The following SPPL2C variants were observed in gnomAD, a reference collection of about 807,000 sequenced individuals.
The protein encoded by SPPL2C is signal peptide peptidase-like 2C.
SPPL2C carries 33 observed loss-of-function variants against 38.8 expected under a neutral mutation model. The ratio of observed to expected loss-of-function variants is 0.85; its 90% CI spans 0.64 to 1.14. The LOEUF (loss-of-function observed/expected upper bound fraction) is 1.14, where lower values mean the gene tolerates loss of function less well. SPPL2C is among the 50% of genes most tolerant of loss of function. SPPL2C has a pLI of 0.00. For missense variants in SPPL2C, 899 were observed against 904.4 expected (o/e 0.99, Z 0.08); for synonymous variants, 384 against 390.7 (o/e 0.98, Z 0.20).
rs148824691 is a variant in SPPL2C at position 45,845,825 on chromosome 17, C to A, written c.919C>A (p.Arg307=). 6.2e-7 allele frequency: 1 copy of A among 1,607,000 alleles called. No individual in the cohort carries two copies. Among genetic ancestry groups the A allele is most frequent in the Middle Eastern group, 1.6e-4 (1 of 6,062 alleles). The change falls in exon 1 of 1, where the codon CGG becomes AGG. Residue 307 remains arginine (R), a synonymous_variant. Transcript: ENST00000329196. ...ACCCCTGGTGTGCCGCCTGTCCCTG[C>A]GGCAATACCAGAGGCCTCCGCACAG... The part of the protein sequence containing the change: ...LSPLVCRLSL[R]QYQRPPHSLW...
Position 45,845,651 on chromosome 17 carries a change from G to C in SPPL2C, c.745G>C (p.Val249Leu). The C allele has an allele frequency of 6.2e-7, 1 of 1,613,646 alleles. No individual in the cohort carries two copies. The highest frequency in any genetic ancestry group is 8.5e-7 in the Non-Finnish European group (1 of 1,180,042). The change falls in exon 1 of 1, where the codon GTG becomes CTG. Residue 249 changes from valine (V) to leucine (L), a missense_variant. By Grantham distance (32) the Val-to-Leu change is conservative. Coordinates refer to ENST00000329196, the MANE Select transcript of SPPL2C (RefSeq NM_175882.3). ...AQKEDNEDIP[V>L]DFTPAMTGVV... ...GAAGGAAGATAATGAGGACATCCCA[G>C]TGGACTTCACGCCGGCCATGACAGG...
chr17:45,845,135 C>G lies in SPPL2C; in HGVS notation c.229C>G (p.His77Asp), dbSNP rs2074180. The change falls in exon 1 of 1, where the codon CAC becomes GAC. Residue 77 changes from histidine (H) to aspartate (D), a missense_variant. Physicochemically the swap from His to Asp is moderately conservative, Grantham distance 81. Transcript: ENST00000329196. Reference protein sequence around the residue: ...APWCPGEDSPHQAQLRSPSQR... With the variant: ...APWCPGEDSPDQAQLRSPSQR... ...CTGGTGCCCGGGTGAGGATTCCCCC[C>G]ACCAGGCCCAGCTCCGCTCCCCCAG... is the stretch of plus-strand genomic sequence containing the variant. 6.2e-7 allele frequency: 1 copy of G among 1,610,674 alleles called. No individual in the cohort carries two copies. The highest frequency in any genetic ancestry group is 2.2e-5 in the East Asian group (1 of 44,724).
At position 45,845,784 on chromosome 17, in the gene SPPL2C, T is replaced by C; in HGVS notation, c.878T>C (p.Leu293Pro). Residue 293 changes from leucine (L) to proline (P), a missense_variant, in exon 1 of 1, where the codon CTC becomes CCC. By Grantham distance (98) the Leu-to-Pro change is moderately conservative. Coordinates refer to ENST00000329196, the MANE Select transcript of SPPL2C (RefSeq NM_175882.3). ...GIFGLGAGIGLYSCLSPLVCR... is the reference protein window; with the variant it reads ...GIFGLGAGIGPYSCLSPLVCR... ...TTTGGCCTGGGTGCTGGCATTGGCC[T>C]CTACAGCTGCCTGTCACCCCTGGTG... The C allele has an allele frequency of 6.2e-7, 1 of 1,610,746 alleles. No homozygotes were observed. The highest frequency in any genetic ancestry group is 8.5e-7 in the Non-Finnish European group (1 of 1,179,984).
At position 45,846,706 on chromosome 17, in the gene SPPL2C, C is replaced by T; in HGVS notation, c.1800C>T (p.Ser600=). Residue 600 remains serine (S), a synonymous_variant, in exon 1 of 1, where the codon AGC becomes AGT. Transcript: ENST00000329196. The part of the protein sequence containing the change: ...EATNPEDRSD[S]SEGWSDAHLD... Reference sequence around the variant, plus strand: ...CCAATCCAGAGGACCGCAGTGATAGCTCCGAGGGCTGGAGTGACGCCCACT... The same window carrying T: ...CCAATCCAGAGGACCGCAGTGATAGTTCCGAGGGCTGGAGTGACGCCCACT... The T allele has an allele frequency of 6.2e-7, 1 of 1,614,222 alleles. No individual in the cohort carries two copies. Among genetic ancestry groups the T allele is most frequent in the South Asian group, 1.1e-5 (1 of 91,086 alleles).
rs755742398 is a variant in SPPL2C, at chr17:45,845,072, G to A, written c.166G>A (p.Ala56Thr). The part of the protein sequence containing the change: ...YITLPRDLHH[A>T]PLLPLYDGTK... Reference sequence around the variant, plus strand: ...CACCCTCCCCCGGGACCTGCACCACGCCCCACTCCTGCCCCTGTATGATGG... The same window carrying A: ...CACCCTCCCCCGGGACCTGCACCACACCCCACTCCTGCCCCTGTATGATGG... Residue 56 changes from alanine to threonine, a missense_variant, in exon 1 of 1, where the codon GCC (alanine) becomes ACC (threonine). By Grantham distance (58) the Ala-to-Thr change is moderately conservative (BLOSUM62 0). Coordinates refer to ENST00000329196, the MANE Select transcript of SPPL2C (RefSeq NM_175882.3). 30 of 1,613,866 alleles carry A rather than the reference G, an allele frequency of 1.9e-5. No individual in the cohort carries two copies. The East Asian group carries it at 2.0e-4, about 11-fold the overall frequency.
rs767972482 is a variant in SPPL2C at position 45,845,677 on chromosome 17, C to T, written c.771C>T (p.Gly257=). The change falls in exon 1 of 1, where the codon GGC becomes GGT. Residue 257 remains glycine, a synonymous_variant. Coordinates refer to ENST00000329196, the MANE Select transcript of SPPL2C (RefSeq NM_175882.3). The stretch of plus-strand genomic sequence containing the variant: ...TGGACTTCACGCCGGCCATGACAGG[C>T]GTGGTGGTCACCCTGTCCTGCTCGC... ...IPVDFTPAMT[G]VVVTLSCSLM... 6 of 1,613,792 alleles carry T rather than the reference C, an allele frequency of 3.7e-6. No homozygotes were observed. The highest frequency in any genetic ancestry group is 4.2e-6 in the Non-Finnish European group (5 of 1,180,032).
Position 45,844,891 on chromosome 17 carries a change from G to A in SPPL2C, c.-16G>A, listed in dbSNP as rs1032218527. The A allele has an allele frequency of 3.8e-6, 6 of 1,585,384 alleles. No individual in the cohort carries two copies. The highest frequency in any genetic ancestry group is 5.2e-6 in the Non-Finnish European group (6 of 1,161,356). On this transcript the variant is annotated 5_prime_UTR_variant, in exon 1 of 1. Transcript: ENST00000329196. ...TGGGCTGCCGCCCGCAGATGTTGCA[G>A]TAGGAACTGAAGAAGATGGCGTGCC...
In SPPL2C at chr17:45,845,561, C is replaced by T. The variant is rs200343669; in HGVS notation, c.655C>T (p.Arg219Ter). 1.2e-5 allele frequency: 20 copies of T among 1,602,700 alleles called. No homozygotes were observed. Among genetic ancestry groups the T allele is most frequent in the South Asian group, 5.5e-5 (5 of 90,682 alleles). The change falls in exon 1 of 1, where the codon CGA becomes TGA. Residue 219 changes from arginine (R) to a stop codon, truncating the protein, a stop_gained. Coordinates refer to ENST00000329196, the MANE Select transcript of SPPL2C (RefSeq NM_175882.3). LOFTEE classifies it high-confidence loss of function. ...EANRLQRRRA[R>*]RGGGSGGHHQ... ...CAACCGGCTACAGCGGCGCCGTGCCCGAAGAGGAGGGGGGTCTGGTGGTCA... is the reference window on the plus strand; with the variant it reads ...CAACCGGCTACAGCGGCGCCGTGCCTGAAGAGGAGGGGGGTCTGGTGGTCA...
Position 45,845,120 on chromosome 17 carries a change from G to C in SPPL2C, c.214G>C (p.Gly72Arg). The C allele has an allele frequency of 6.2e-7, 1 of 1,610,918 alleles. No homozygotes were observed. Among genetic ancestry groups the C allele is most frequent in the Non-Finnish European group, 8.5e-7 (1 of 1,177,462 alleles). ...YDGTKAPWCP[G>R]EDSPHQAQLR... ...TGGCACCAAGGCACCCTGGTGCCCGGGTGAGGATTCCCCCCACCAGGCCCA... is the reference window on the plus strand; with the variant it reads ...TGGCACCAAGGCACCCTGGTGCCCGCGTGAGGATTCCCCCCACCAGGCCCA... The change falls in exon 1 of 1, where the codon GGT becomes CGT. Residue 72 changes from glycine to arginine, a missense_variant. Coordinates refer to ENST00000329196, the MANE Select transcript of SPPL2C (RefSeq NM_175882.3).
chr17:45,846,052 G>C lies in SPPL2C; in HGVS notation c.1146G>C (p.Leu382=). 1 of 1,614,146 alleles carries C rather than the reference G, an allele frequency of 6.2e-7. No homozygotes were observed. Among genetic ancestry groups the C allele is most frequent in the South Asian group, 1.1e-5 (1 of 91,074 alleles). The change falls in exon 1 of 1, where the codon CTG becomes CTC. Residue 382 remains leucine (L), a synonymous_variant. Coordinates refer to ENST00000329196, the MANE Select transcript of SPPL2C (RefSeq NM_175882.3). ...ACTGCTCCTCCTTCCTGCTGGCCCT[G>C]CTGGCCTTTGATGTCTTCTTTGTCT... The part of the protein sequence containing the change: ...LKNCSSFLLA[L]LAFDVFFVFV...
In SPPL2C at chr17:45,846,435, T is replaced by A; in HGVS notation, c.1529T>A (p.Leu510His). ...CTCTACCTAGTGTCCAGCACCCTGC[T>A]CACCAGCCTGGCTGTGGCTGCCTGC... ...ALLYLVSSTL[L>H]TSLAVAACRQ... The change falls in exon 1 of 1, where the codon CTC becomes CAC. Residue 510 changes from leucine to histidine, a missense_variant. Transcript: ENST00000329196. The A allele has an allele frequency of 6.2e-7, 1 of 1,613,182 alleles. No homozygotes were observed. Among genetic ancestry groups the A allele is most frequent in the East Asian group, 2.2e-5 (1 of 44,882 alleles).
chr17:45,845,268 T>C lies in SPPL2C; in HGVS notation c.362T>C (p.Val121Ala). Residue 121 changes from valine to alanine, a missense_variant, in exon 1 of 1, where the codon GTG (valine) becomes GCG (alanine). Coordinates refer to ENST00000329196, the MANE Select transcript of SPPL2C (RefSeq NM_175882.3). ...QGQGAHGLLIVSRVSDQQCSD... is the reference protein window; with the variant it reads ...QGQGAHGLLIASRVSDQQCSD... ...CAAGGTGCCCACGGGCTGCTCATCGTGAGCCGGGTCAGTGACCAACAGTGC... is the reference window on the plus strand; with the variant it reads ...CAAGGTGCCCACGGGCTGCTCATCGCGAGCCGGGTCAGTGACCAACAGTGC... 1 of 1,613,898 alleles carries C rather than the reference T, an allele frequency of 6.2e-7. No homozygotes were observed. Among genetic ancestry groups the C allele is most frequent in the East Asian group, 2.2e-5 (1 of 44,854 alleles).
At position 45,846,192 on chromosome 17, in the gene SPPL2C, T is replaced by G. The variant is rs779090170; in HGVS notation, c.1286T>G (p.Leu429Arg). 3.7e-6 allele frequency: 6 copies of G among 1,614,110 alleles called. No homozygotes were observed. The East Asian group carries it at 1.1e-4, about 30-fold the overall frequency. Residue 429 changes from leucine to arginine, a missense_variant, in exon 1 of 1, where the codon CTA becomes CGA. Leu to Arg is a moderately radical substitution (Grantham distance 102). Coordinates refer to ENST00000329196, the MANE Select transcript of SPPL2C (RefSeq NM_175882.3). ...CCCATGGTACTCAAAGTGCCCCGGC[T>G]AAGAGTCTCCGCCTTGACCCTGTGC... The part of the protein sequence containing the change: ...RLPMVLKVPR[L>R]RVSALTLCSQ...
Position 45,844,926 on chromosome 17 carries a change from T to A in SPPL2C, c.20T>A (p.Leu7His). 6.2e-7 allele frequency: 1 copy of A among 1,605,424 alleles called. No homozygotes were observed. The highest frequency in any genetic ancestry group is 8.5e-7 in the Non-Finnish European group (1 of 1,173,386). MACLGF[L>H]LPVGFLLLIS... ...AAGAAGATGGCGTGCCTGGGCTTCC[T>A]CCTCCCCGTGGGCTTCCTCCTCCTC... The change falls in exon 1 of 1, where the codon CTC becomes CAC. Residue 7 changes from leucine to histidine, a missense_variant. Coordinates refer to ENST00000329196, the MANE Select transcript of SPPL2C (RefSeq NM_175882.3).
Position 45,845,413 on chromosome 17 carries a change from C to A in SPPL2C, c.507C>A (p.Ala169=), listed in dbSNP as rs766904700. The A allele has an allele frequency of 1.1e-5, 17 of 1,612,928 alleles. No individual in the cohort carries two copies. Among genetic ancestry groups the A allele is most frequent in the Non-Finnish European group, 1.4e-5 (17 of 1,180,042 alleles). ...LDILSHTRGE[A]VVRVAMYAPP... The stretch of plus-strand genomic sequence containing the variant: ...TCCTCAGCCACACTCGTGGGGAGGC[C>A]GTCGTCCGCGTGGCCATGTACGCAC... The change falls in exon 1 of 1, where the codon GCC becomes GCA. Residue 169 remains alanine (A), a synonymous_variant. Transcript: ENST00000329196.
In SPPL2C at chr17:45,845,230, G is replaced by T; in HGVS notation, c.324G>T (p.Trp108Cys). The T allele has an allele frequency of 6.2e-7, 1 of 1,613,786 alleles. No individual in the cohort carries two copies. Among genetic ancestry groups the T allele is most frequent in the Non-Finnish European group, 8.5e-7 (1 of 1,179,874 alleles). The change falls in exon 1 of 1, where the codon TGG becomes TGT. Residue 108 changes from tryptophan to cysteine, a missense_variant. Physicochemically the swap from Trp to Cys is radical, Grantham distance 215. Coordinates refer to ENST00000329196, the MANE Select transcript of SPPL2C (RefSeq NM_175882.3). Reference protein sequence around the residue: ...RGNCSFHTKGWLAQGQGAHGL... With the variant: ...RGNCSFHTKGCLAQGQGAHGL... ...ACTGCAGCTTCCACACGAAAGGCTG[G>T]CTGGCTCAGGGCCAAGGTGCCCACG...
rs769253413 is a variant in SPPL2C at position 45,845,015 on chromosome 17, G to A, written c.109G>A (p.Asp37Asn). 2 of 1,614,100 alleles carry A rather than the reference G, an allele frequency of 1.2e-6. No homozygotes were observed. The highest frequency in any genetic ancestry group is 8.5e-7 in the Non-Finnish European group (1 of 1,179,988). Residue 37 changes from aspartate (D) to asparagine (N), a missense_variant, in exon 1 of 1, where the codon GAC becomes AAC. By Grantham distance (23) the Asp-to-Asn change is conservative (BLOSUM62 1). Coordinates refer to ENST00000329196, the MANE Select transcript of SPPL2C (RefSeq NM_175882.3). ...CGTGGTGTCGGAGAATTGGAGCAAG[G>A]ACTACTGTATCCTGTTCAGCTCCGA... is the stretch of plus-strand genomic sequence containing the variant. ...AHVVSENWSK[D>N]YCILFSSDYI...
chr17:45,845,893 C>T lies in SPPL2C; in HGVS notation c.987C>T (p.Ser329=). 6.2e-7 allele frequency: 1 copy of T among 1,606,376 alleles called. No homozygotes were observed. The highest frequency in any genetic ancestry group is 1.1e-5 in the South Asian group (1 of 91,086). Residue 329 remains serine, a synonymous_variant, in exon 1 of 1, where the codon AGC becomes AGT. Coordinates refer to ENST00000329196, the MANE Select transcript of SPPL2C (RefSeq NM_175882.3). The part of the protein sequence containing the change: ...SLPLPLLLLA[S]LCATVIIFWV... ...CGCTGCCTCTGCTGCTGCTGGCGAG[C>T]CTGTGCGCAACCGTGATCATCTTCT...
At position 45,845,943 on chromosome 17, in the gene SPPL2C, G is replaced by T. The variant is rs779097529; in HGVS notation, c.1037G>T (p.Arg346Leu). The T allele has an allele frequency of 1.9e-6, 3 of 1,609,696 alleles. No individual in the cohort carries two copies. Among genetic ancestry groups the T allele is most frequent in the Non-Finnish European group, 1.7e-6 (2 of 1,179,996 alleles). The change falls in exon 1 of 1, where the codon CGC becomes CTC. Residue 346 changes from arginine (R) to leucine (L), a missense_variant. By Grantham distance (102) the Arg-to-Leu change is moderately radical. Transcript: ENST00000329196. ...TGGGTGGCCTACCGCAATGAGGACCGCTGGGCGTGGCTCCTGCAGGACACA... is the reference window on the plus strand; with the variant it reads ...TGGGTGGCCTACCGCAATGAGGACCTCTGGGCGTGGCTCCTGCAGGACACA... ...IFWVAYRNED[R>L]WAWLLQDTLG...
Sources: gnomAD v4.1 joint callset for allele counts on GRCh38, gnomAD v4.1.1 for gene constraint, MANE v1.5 for transcripts, NCBI Gene and HGNC (gene_info 2026-07-23, HGNC 2026-07-21) for gene names.